KLHDC4: variants seen among roughly 807,000 people sequenced by gnomAD.
KLHDC4 encodes kelch domain-containing protein 4.
In KLHDC4, 90 loss-of-function variants were observed where a neutral mutation model predicts 62.4. The ratio of observed to expected loss-of-function variants is 1.44; its 90% CI spans 1.22 to 1.72. The LOEUF is 1.72. Ranked by LOEUF, KLHDC4 falls within the 40% of genes most tolerant of loss-of-function variation. The pLI is 0.00. For synonymous variants in KLHDC4, 386 were observed against 284.4 expected, an observed-to-expected ratio of 1.36 and a Z score of -3.59; for missense variants, 1,025 against 699.7, an observed-to-expected ratio of 1.47 and a Z score of -5.25.
chr16:87,722,967 C>T (rs1597491233), intron 7 of KLHDC4, among the ~76,000 whole-genome samples: 1 of 152,190 alleles, frequency 6.6e-6, no homozygotes, highest in Non-Finnish European at 1.5e-5. Flanking sequence ...GGGAGAGAGG[C>T]GTGTGCCCAC....
At chr16:87,753,807 GAA>G (rs34945685) in intron 4 of KLHDC4, among the ~76,000 whole-genome samples, 6,753 of 128,654 alleles carry the variant, frequency 0.052, 264 homozygotes, top group East Asian at 0.17. Flanking sequence ...ATCTCAAGGA[GAA>G]AAAAAAAAAA....
chr16:87,764,435 A>AG (rs1290769637), intron 1 of KLHDC4, among the ~76,000 whole-genome samples: 4 of 152,010 alleles, frequency 2.6e-5, no homozygotes, highest in Non-Finnish European at 5.9e-5. Context: ...GCATCACCTG[A>AG]GGTCAGGAGT....
At chr16:87,742,847 G>A (rs1403740775) in intron 5 of KLHDC4, 1 of 152,214 alleles carries the variant, frequency 6.6e-6, no homozygotes, top group Non-Finnish European at 1.5e-5. Context: ...GGCCCCTCCA[G>A]ACGAGTTGCC....
chr16:87,764,581 G>A (rs1209782912), intron 1 of KLHDC4, among the ~76,000 whole-genome samples: 6 of 148,640 alleles, frequency 4.0e-5, no homozygotes, highest in Admixed American at 2.7e-4. Context: ...CCTGGGAGGC[G>A]GAGGTGCAGT....
chr16:87,730,365 T>C (rs767704381), intron 6 of KLHDC4, among the ~76,000 whole-genome samples, 187 bp downstream of exon 6: 2 of 152,256 alleles, frequency 1.3e-5, no homozygotes, highest in Non-Finnish European at 2.9e-5. Flanking sequence ...GAATACAGCA[T>C]GAAGCCAGTG....
At position 87,707,971 on chromosome 16, in the gene KLHDC4, C is replaced by T. The variant is rs1275415797; in HGVS notation, c.*106G>A. On this transcript the variant is annotated 3_prime_UTR_variant, in exon 12 of 12. Transcript: ENST00000270583. The stretch of plus-strand genomic sequence containing the variant: ...TGGGCCACCCACCTTCAGCTCTCTC[C>T]TGTGCGTCAGGACGCACGCTGGCCC... 2.1e-6 allele frequency: 1 copy of T among 472,754 alleles called. No individual in the cohort carries two copies. Among genetic ancestry groups the T allele is most frequent in the Admixed American group, 2.3e-5 (1 of 42,998 alleles). The allele number at this position is 472,754 out of a possible 1,614,324, so 29.3% of individuals were successfully genotyped here. A position where few individuals can be genotyped will look rare whatever the true frequency, so the allele number is the denominator to read the frequency against.
downstream of KLHDC4, among the ~76,000 whole-genome samples, chr16:87,704,182 C>T (rs148194137): frequency 2.6e-4 from 39 of 152,382 alleles, no homozygotes; most frequent in Non-Finnish European, 5.9e-5. Context: ...CCGAGTGCCA[C>T]GTCCAGCGCG....
At chr16:87,736,569 C>T (rs1348131858) in intron 5 of KLHDC4, among the ~76,000 whole-genome samples, 1 of 152,166 alleles carries the variant, frequency 6.6e-6, no homozygotes, top group Non-Finnish European at 1.5e-5. Flanking sequence ...GGAAACTTCG[C>T]CCTGCTTTTC....
At chr16:87,761,760 C>G (rs1307281780) in intron 2 of KLHDC4, among the ~76,000 whole-genome samples, 189 bp downstream of exon 2, 1 of 152,202 alleles carries the variant, frequency 6.6e-6, no homozygotes, top group Non-Finnish European at 1.5e-5. Context: ...AGGCCCTGCT[C>G]CCAGGTTCCA....
chr16:87,707,410 C>T (rs546192410), downstream of KLHDC4, among the ~76,000 whole-genome samples: 7 of 152,340 alleles, frequency 4.6e-5, no homozygotes, highest in East Asian at 7.7e-4. Context: ...GACCACGCGG[C>T]GGCAGGTGGC....
exon 1 of KLHDC4, chr16:87,701,920 C>T (rs571658504): frequency 1.3e-5 from 6 of 456,350 alleles, no homozygotes; most frequent in Admixed American, 9.4e-5. Context: ...CGTGCTCCCT[C>T]GGGCCCTCCC....
chr16:87,726,023 G>C (rs547025971), intron 7 of KLHDC4, among the ~76,000 whole-genome samples: 6 of 152,022 alleles, frequency 3.9e-5, no homozygotes, highest in Non-Finnish European at 5.9e-5. Context: ...GCCCTAACAC[G>C]GCACCAAGTT....
In KLHDC4 at chr16:87,709,855, T is replaced by C. The variant is rs192051607; in HGVS notation, c.1045-188A>G. 8.3e-5 allele frequency: 55 copies of C among 662,572 alleles called. No individual in the cohort carries two copies. The East Asian group carries it at 1.2e-3, about 14-fold the overall frequency. The allele number at this position is 662,572 out of a possible 1,614,324, so 41.0% of individuals were successfully genotyped here. A position where few individuals can be genotyped will look rare whatever the true frequency, so the allele number is the denominator to read the frequency against. On this transcript the variant is annotated intron_variant, in intron 9 of 11. Transcript: ENST00000270583. ...TGGGCTGCAGGAGCACGCTCCTGTC[T>C]CCCACTAGCCTCGCCGTTCACTCCT...
intron 7 of KLHDC4, among the ~76,000 whole-genome samples, chr16:87,718,442 G>A (rs570004647): frequency 2.7e-5 from 4 of 150,000 alleles, no homozygotes; most frequent in South Asian, 2.2e-4. Flanking sequence ...CTGTACTGCC[G>A]CCATCTCGGC....
At chr16:87,741,153 T>C (rs1199408679) in intron 5 of KLHDC4, among the ~76,000 whole-genome samples, 5 of 152,216 alleles carry the variant, frequency 3.3e-5, no homozygotes, top group Admixed American at 6.5e-5. Context: ...GTCCTGTCTG[T>C]TGCTAGAATG....
chr16:87,756,237 C>A (rs2044868448), intron 3 of KLHDC4, 162 bp downstream of exon 3: 6 of 567,924 alleles, frequency 1.1e-5, no homozygotes, highest in Non-Finnish European at 1.3e-5. Flanking sequence ...ATGCCAGGGC[C>A]TGGAGCATCC....
exon 1 of KLHDC4, chr16:87,701,271 C>T (rs957006374): frequency 6.1e-5 from 14 of 230,764 alleles, no homozygotes; most frequent in African/African-American, 1.3e-4. Flanking sequence ...GGGAAGTCAA[C>T]GCCACCAAAG....
exon 1 of KLHDC4, chr16:87,702,259 G>A (rs1453737020): frequency 2.2e-6 from 1 of 456,352 alleles, no homozygotes; most frequent in Admixed American, 2.3e-5. Context: ...CAGGCGCCGA[G>A]TCCATAAAGG....
At chr16:87,699,722 G>C (rs1217962966) in exon 1 of KLHDC4, 1 of 152,282 alleles carries the variant, frequency 6.6e-6, no homozygotes. Flanking sequence ...ACTGTAGAAA[G>C]ACGGGCCCTC....
Sources: allele counts gnomAD v4.1 joint callset (sites outside exome capture counted in the v4.1 genomes callset), GRCh38; gene constraint gnomAD v4.1.1; transcripts MANE v1.5; gene names NCBI Gene and HGNC (gene_info 2026-07-23, HGNC 2026-07-21).